The following SIPA1L1 variants were observed in gnomAD, a reference collection of about 807,000 sequenced individuals.
SIPA1L1 encodes signal-induced proliferation-associated 1-like protein 1.
Under a neutral mutation model 162.7 loss-of-function variants are expected in SIPA1L1, and 26 were observed. That is an observed-to-expected ratio of 0.16 (90% CI 0.12 to 0.22). The LOEUF (loss-of-function observed/expected upper bound fraction) is 0.22, where lower values mean the gene tolerates loss of function less well. Among genes scored for constraint, SIPA1L1 ranks in the 10% least tolerant of loss-of-function variants. SIPA1L1 has a pLI of 1.00. For synonymous variants in SIPA1L1, 829 were observed against 837.4 expected (o/e 0.99, Z 0.17); for missense variants, 1,874 against 2,241.0 (o/e 0.84, Z 3.31).
intron 2 of SIPA1L1, among the ~76,000 whole-genome samples, chr14:71,456,031 G>T (rs1382108653): frequency 6.6e-6 from 1 of 152,110 alleles, no homozygotes; most frequent in Non-Finnish European, 1.5e-5. Flanking sequence ...ACAGCTAAAG[G>T]GAAAAACGTA....
At chr14:71,728,586 G>A (rs547399423) in intron 19 of SIPA1L1, among the ~76,000 whole-genome samples, 8 of 152,320 alleles carry the variant, frequency 5.3e-5, no homozygotes, top group Non-Finnish European at 1.0e-4. Context: ...CTTGTTGAGC[G>A]GAAGCATGCT....
At chr14:71,601,246 T>C (rs956660505) in intron 5 of SIPA1L1, among the ~76,000 whole-genome samples, 3 of 152,148 alleles carry the variant, frequency 2.0e-5, no homozygotes, top group Non-Finnish European at 2.9e-5. Flanking sequence ...TATATGCCCT[T>C]TATGATGTTG....
intron 2 of SIPA1L1, among the ~76,000 whole-genome samples, chr14:71,443,304 T>A (rs2045062144): frequency 6.6e-6 from 1 of 152,168 alleles, no homozygotes; most frequent in Non-Finnish European, 1.5e-5. Context: ...AGTGATATTC[T>A]AGGTACTTGT....
chr14:71,638,372 A>G (rs1250489495), intron 7 of SIPA1L1, among the ~76,000 whole-genome samples: 1 of 152,234 alleles, frequency 6.6e-6, no homozygotes, highest in African/African-American at 2.4e-5. Flanking sequence ...TAGAGATGCA[A>G]GGCTGATTCA....
At chr14:71,637,578 A>G (rs1450755374) in intron 7 of SIPA1L1, among the ~76,000 whole-genome samples, 1 of 152,090 alleles carries the variant, frequency 6.6e-6, no homozygotes, top group African/African-American at 2.4e-5. Context: ...AAAAATTTAA[A>G]AAAAAAGTAT....
At chr14:71,555,547 T>A (rs1373126758) in intron 4 of SIPA1L1, among the ~76,000 whole-genome samples, 1 of 152,244 alleles carries the variant, frequency 6.6e-6, no homozygotes, top group Non-Finnish European at 1.5e-5. Flanking sequence ...CATTTATGTG[T>A]TCACTGCAGT....
intron 2 of SIPA1L1, among the ~76,000 whole-genome samples, chr14:71,440,646 C>CAAAA (rs397853535): frequency 9.0e-5 from 5 of 55,666 alleles, no homozygotes; most frequent in African/African-American, 1.6e-4. Context: ...GAACCCATCT[C>CAAAA]AAAAAAAAAA....
chr14:71,679,560 A>G (rs1039568355), intron 12 of SIPA1L1, among the ~76,000 whole-genome samples: 1 of 152,222 alleles, frequency 6.6e-6, no homozygotes, highest in Admixed American at 6.5e-5. Context: ...CATCATAATG[A>G]CAGGATCAGA....
intron 5 of SIPA1L1, among the ~76,000 whole-genome samples, chr14:71,616,524 A>C (rs2038852919): frequency 6.6e-6 from 1 of 151,520 alleles, no homozygotes; most frequent in Non-Finnish European, 1.5e-5. Flanking sequence ...GAGAAGTTGA[A>C]GATAAAAAAA....
intron 4 of SIPA1L1, among the ~76,000 whole-genome samples, chr14:71,563,352 A>C (rs530529350): frequency 2.0e-5 from 3 of 149,518 alleles, no homozygotes; most frequent in Non-Finnish European, 4.5e-5. Context: ...CTTCTTTAAA[A>C]TTTTTTCTGT....
At chr14:71,405,563 T>C (rs2041976351) in intron 2 of SIPA1L1, among the ~76,000 whole-genome samples, 1 of 152,204 alleles carries the variant, frequency 6.6e-6, no homozygotes, top group African/African-American at 2.4e-5. Context: ...AGAATGCCCC[T>C]TCTGGGGTAA....
intron 3 of SIPA1L1, among the ~76,000 whole-genome samples, chr14:71,515,867 C>T (rs964255896): frequency 1.3e-5 from 2 of 152,134 alleles, no homozygotes; most frequent in African/African-American, 2.4e-5. Context: ...GTCTTGAGCT[C>T]CTGACCTCAA....
intron 3 of SIPA1L1, among the ~76,000 whole-genome samples, chr14:71,519,350 G>A (rs1352143826): frequency 6.6e-6 from 1 of 152,064 alleles, no homozygotes; most frequent in African/African-American, 2.4e-5. Context: ...AGATATATGT[G>A]TAGATGTATA....
intron 2 of SIPA1L1, among the ~76,000 whole-genome samples, chr14:71,403,688 C>G (rs1194531643): frequency 6.7e-6 from 1 of 149,338 alleles, no homozygotes; most frequent in Non-Finnish European, 1.5e-5. Flanking sequence ...TCAATTTATA[C>G]TTCAGTGTTA....
intron 2 of SIPA1L1, among the ~76,000 whole-genome samples, chr14:71,404,529 A>G (rs573644971): frequency 3.9e-5 from 6 of 152,336 alleles, no homozygotes. Context: ...AGCCTGGGCT[A>G]CAGAGCCCAA....
At chr14:71,399,156 C>G (rs1305795679) in intron 2 of SIPA1L1, among the ~76,000 whole-genome samples, 1 of 152,156 alleles carries the variant, frequency 6.6e-6, no homozygotes, top group Non-Finnish European at 1.5e-5. Context: ...TTCCTTGATG[C>G]ATATTCAAGT....
chr14:71,521,097 G>A (rs117142807), intron 3 of SIPA1L1, among the ~76,000 whole-genome samples: 44 of 152,200 alleles, frequency 2.9e-4, no homozygotes, highest in Non-Finnish European at 5.4e-4. Flanking sequence ...GTTGTTTTCA[G>A]TTTTGGGCTA....
At chr14:71,363,062 C>T (rs957163266) in intron 2 of SIPA1L1, among the ~76,000 whole-genome samples, 15 of 152,342 alleles carry the variant, frequency 9.8e-5, no homozygotes, top group Non-Finnish European at 1.9e-4. Flanking sequence ...TTTAAAATGG[C>T]TTGTAAAACT....
chr14:71,563,124 A>G (rs2056924908), intron 4 of SIPA1L1, among the ~76,000 whole-genome samples: 1 of 152,198 alleles, frequency 6.6e-6, no homozygotes, highest in African/African-American at 2.4e-5. Context: ...GTAGACATAC[A>G]ATAAATATTT....
Sources: gnomAD v4.1 joint callset for allele counts (sites outside exome capture counted in the v4.1 genomes callset) on GRCh38, gnomAD v4.1.1 for gene constraint, MANE v1.5 for transcripts, NCBI Gene and HGNC (gene_info 2026-07-23, HGNC 2026-07-21) for gene names.